PDE10A: variants seen among roughly 807,000 people sequenced by gnomAD.
The protein encoded by PDE10A is phosphodiesterase 10A.
A neutral mutation model predicts 97.7 loss-of-function variants in PDE10A; 39 were observed. That is an observed-to-expected ratio of 0.40 (90% CI 0.31 to 0.52). PDE10A has a LOEUF of 0.52. Ranked by LOEUF, PDE10A falls within the 20% of genes least tolerant of loss-of-function variation. The pLI is 0.56. For synonymous variants in PDE10A, 371 were observed against 376.8 expected (o/e 0.98, Z 0.18); for missense variants, 731 against 1,047.8 (o/e 0.70, Z 4.17).
At chr6:165,636,756 A>C (rs1788898705) in intron 1 of PDE10A, among the ~76,000 whole-genome samples, 1 of 152,214 alleles carries the variant, frequency 6.6e-6, no homozygotes. Context: ...TGCAGAAATG[A>C]GGCTCCTTTT....
intron 1 of PDE10A, among the ~76,000 whole-genome samples, chr6:165,895,577 A>ACC (rs897697085): frequency 2.1e-4 from 32 of 151,940 alleles, no homozygotes; most frequent in African/African-American, 7.5e-4. Flanking sequence ...GAAATGAATC[A>ACC]CCCTCTTCAC....
intron 1 of PDE10A, among the ~76,000 whole-genome samples, chr6:165,936,334 G>C (rs1198052760): frequency 1.3e-5 from 2 of 152,214 alleles, no homozygotes; most frequent in Non-Finnish European, 2.9e-5. Flanking sequence ...AGCAGTAGCA[G>C]ATAGGAAAGG....
chr6:165,334,979 G>A (rs1168271734), intron 21 of PDE10A, among the ~76,000 whole-genome samples: 2 of 152,136 alleles, frequency 1.3e-5, no homozygotes, highest in South Asian at 2.1e-4. Context: ...TCCTCCCACA[G>A]GGCATCCACT....
At chr6:165,675,231 C>CTTTG (rs954026314) in intron 1 of PDE10A, among the ~76,000 whole-genome samples, 1 of 152,096 alleles carries the variant, frequency 6.6e-6, no homozygotes, top group Non-Finnish European at 1.5e-5. Flanking sequence ...TAAGTATCTG[C>CTTTG]TTTGTTTGTT....
At chr6:165,377,458 T>C (rs1421482432) in intron 18 of PDE10A, among the ~76,000 whole-genome samples, 1 of 152,210 alleles carries the variant, frequency 6.6e-6, no homozygotes, top group Non-Finnish European at 1.5e-5. Context: ...TTTTAATTGC[T>C]TTTCAAGTTA....
intron 1 of PDE10A, among the ~76,000 whole-genome samples, chr6:165,739,087 G>A (rs1352171234): frequency 1.3e-5 from 2 of 152,148 alleles, no homozygotes; most frequent in East Asian, 3.9e-4. Flanking sequence ...CAGATTCAAT[G>A]AAATCTTATG....
chr6:165,489,521 G>A (rs993789449), intron 2 of PDE10A, among the ~76,000 whole-genome samples: 2 of 152,040 alleles, frequency 1.3e-5, no homozygotes, highest in African/African-American at 4.8e-5. Flanking sequence ...AACAATTCTG[G>A]TAATATGACA....
At chr6:165,805,180 T>C (rs1779100451) in intron 1 of PDE10A, among the ~76,000 whole-genome samples, 1 of 151,890 alleles carries the variant, frequency 6.6e-6, no homozygotes. Flanking sequence ...GACGCGCGGT[T>C]CTTCCTCGCG....
At chr6:165,712,028 G>A (rs1027349128) in intron 1 of PDE10A, among the ~76,000 whole-genome samples, 8 of 152,156 alleles carry the variant, frequency 5.3e-5, no homozygotes, top group Admixed American at 3.9e-4. Flanking sequence ...ATGGGCCCTG[G>A]AAGGTTTGTA....
chr6:165,621,558 T>G (rs923048892), intron 1 of PDE10A, among the ~76,000 whole-genome samples: 1 of 151,946 alleles, frequency 6.6e-6, no homozygotes, highest in East Asian at 1.9e-4. Flanking sequence ...GAGTTCAAGA[T>G]GAGCCTGGCC....
intron 1 of PDE10A, among the ~76,000 whole-genome samples, chr6:165,681,092 T>C (rs1256126857): frequency 6.6e-6 from 1 of 152,212 alleles, no homozygotes; most frequent in Non-Finnish European, 1.5e-5. Context: ...CTGTCCATCT[T>C]ATCACAGTAT....
At chr6:165,502,118 A>G (rs1364963819) in intron 2 of PDE10A, among the ~76,000 whole-genome samples, 1 of 152,244 alleles carries the variant, frequency 6.6e-6, no homozygotes, top group African/African-American at 2.4e-5. Context: ...CACAATACAT[A>G]AAGATTAATG....
At chr6:165,729,254 A>G (rs1349289800) in intron 1 of PDE10A, among the ~76,000 whole-genome samples, 2 of 152,164 alleles carry the variant, frequency 1.3e-5, no homozygotes, top group African/African-American at 2.4e-5. Context: ...GTGAAACCGA[A>G]TATCAACCTT....
intron 3 of PDE10A, among the ~76,000 whole-genome samples, chr6:165,470,713 T>G (rs1207455926): frequency 1.3e-5 from 2 of 152,150 alleles, no homozygotes; most frequent in Non-Finnish European, 2.9e-5. Context: ...GAGTAAATGG[T>G]AATTAGTTGT....
chr6:165,953,741 A>G (rs1211516573), intron 1 of PDE10A, among the ~76,000 whole-genome samples: 1 of 152,240 alleles, frequency 6.6e-6, no homozygotes, highest in South Asian at 2.1e-4. Flanking sequence ...ATGCACCAAT[A>G]CTGACACATT....
intron 1 of PDE10A, among the ~76,000 whole-genome samples, chr6:165,731,728 A>G (rs748394909): frequency 1.3e-5 from 2 of 152,164 alleles, no homozygotes; most frequent in Non-Finnish European, 2.9e-5. Flanking sequence ...AAACACTTGG[A>G]CTGATGCCTA....
intron 18 of PDE10A, among the ~76,000 whole-genome samples, chr6:165,348,529 A>C (rs1782466852): frequency 1.3e-5 from 2 of 152,186 alleles, no homozygotes; most frequent in African/African-American, 4.8e-5. Context: ...ATTTGTTTTT[A>C]GTTGTAGTCA....
intron 1 of PDE10A, among the ~76,000 whole-genome samples, chr6:165,773,456 TC>T (rs1414986639): frequency 6.6e-6 from 1 of 152,170 alleles, no homozygotes; most frequent in Non-Finnish European, 1.5e-5. Context: ...TTCATATTTT[TC>T]CATATTCTCC....
chr6:165,620,329 G>C (rs1280787248), intron 1 of PDE10A, among the ~76,000 whole-genome samples: 2 of 152,182 alleles, frequency 1.3e-5, no homozygotes, highest in South Asian at 2.1e-4. Context: ...AGGTGATGAT[G>C]GGGGGGTAGA....
Sources: gnomAD v4.1 joint callset for allele counts (sites outside exome capture counted in the v4.1 genomes callset) on GRCh38, gnomAD v4.1.1 for gene constraint, MANE v1.5 for transcripts, NCBI Gene and HGNC (gene_info 2026-07-23, HGNC 2026-07-21) for gene names.